Variants in CCNQ observed in about 807,000 individuals in gnomAD.
CCNQ encodes cyclin Q, also known as cyclin-Q.
A neutral mutation model predicts 17.7 loss-of-function variants in CCNQ; 3 were observed. The ratio of observed to expected loss-of-function variants is 0.17; its 90% CI spans 0.08 to 0.44. CCNQ has a LOEUF of 0.44. CCNQ is among the 20% of genes least tolerant of loss of function. The probability of loss-of-function intolerance (pLI) is 0.99; values close to 1 mark genes in which losing one functional copy is unlikely to be tolerated. For synonymous variants in CCNQ, 73 were observed against 96.0 expected (o/e 0.76, Z 1.40); for missense variants, 146 against 222.6 (o/e 0.66, Z 2.19).
At chrX:153,588,550 G>A (rs1557025103) in intron 4 of CCNQ, 96 bp from the exon 5 acceptor site, 1 of 655,790 alleles carries the variant, frequency 1.5e-6, no homozygotes, top group Non-Finnish European at 2.5e-6. Context: ...ATGGGCAGGG[G>A]AGGGGCACAG....
intron 1 of CCNQ, 59 bp downstream of exon 1, chrX:153,598,903 C>A: frequency 2.2e-6 from 2 of 908,907 alleles, no homozygotes; most frequent in Non-Finnish European, 2.9e-6. Flanking sequence ...GCCAGCCGGG[C>A]CCGCTCCGCG....
At chrX:153,597,198 ACAAT>A (rs2091034187) in intron 1 of CCNQ, among the ~76,000 whole-genome samples, 1 of 112,073 alleles carries the variant, frequency 8.9e-6, no homozygotes, top group Non-Finnish European at 1.9e-5. Flanking sequence ...AGAACAACCG[ACAAT>A]CAACCATGAA....
At chrX:153,592,191 T>C (rs1405143710) in intron 4 of CCNQ, among the ~76,000 whole-genome samples, 2 of 112,479 alleles carry the variant, frequency 1.8e-5, no homozygotes, top group African/African-American at 6.5e-5. Context: ...CCAGGTTTAG[T>C]AACCTGTGAT....
intron 4 of CCNQ, among the ~76,000 whole-genome samples, chrX:153,589,899 C>T (rs951311405): frequency 2.7e-5 from 3 of 111,348 alleles, no homozygotes; most frequent in African/African-American, 6.5e-5. Flanking sequence ...GACCTGTGTG[C>T]TCCTGGAGAC....
chrX:153,592,457 C>G (rs781955750), intron 4 of CCNQ, 49 bp downstream of exon 4: 12 of 1,139,560 alleles, frequency 1.1e-5, no homozygotes, highest in Non-Finnish European at 1.4e-5. Context: ...AATACAGAGA[C>G]TTCCAGAGGG....
chrX:153,597,013 A>G (rs1286918009), intron 1 of CCNQ, among the ~76,000 whole-genome samples: 1 of 112,071 alleles, frequency 8.9e-6, no homozygotes, highest in Non-Finnish European at 1.9e-5. Context: ...AACTCAAAAC[A>G]CCAGAGCAGG....
chrX:153,592,777 T>C (rs2091001449), intron 3 of CCNQ, 44 bp from the exon 4 acceptor site: 1 of 1,096,788 alleles, frequency 9.1e-7, no homozygotes, highest in African/African-American at 1.8e-5. Flanking sequence ...CCAGCTGCTC[T>C]CCTCATGCTG....
chrX:153,598,884 G>T, intron 1 of CCNQ, 78 bp downstream of exon 1: 1 of 759,366 alleles, frequency 1.3e-6, no homozygotes, highest in Non-Finnish European at 1.7e-6. Context: ...ACTCCAGAAG[G>T]CCGGCCTGGC....
Position 153,595,997 on chromosome X carries a change from C to T in CCNQ, c.296+7G>A, listed in dbSNP as rs1179666189. On this transcript the variant is annotated splice_region_variant and intron_variant, in intron 2 of 4. Coordinates refer to ENST00000576892, the MANE Select transcript of CCNQ (RefSeq NM_152274.5). ...TGGAGATCAGGAGCCCAGCCAAATG[C>T]CATTACCTGTTGGACACATTGATGA... The T allele has an allele frequency of 8.3e-7, 1 of 1,212,027 alleles. No homozygotes were observed. The highest frequency in any genetic ancestry group is 1.1e-6 in the Non-Finnish European group (1 of 895,436).
intron 4 of CCNQ, among the ~76,000 whole-genome samples, chrX:153,589,683 C>T (rs1204355979): frequency 1.8e-5 from 2 of 112,612 alleles, no homozygotes; most frequent in Admixed American, 9.3e-5. Context: ...GGCCTTGGGC[C>T]AAGTCAAGGC....
At chrX:153,596,465 C>T (rs2091029196) in intron 1 of CCNQ, among the ~76,000 whole-genome samples, 1 of 112,397 alleles carries the variant, frequency 8.9e-6, no homozygotes, top group Admixed American at 9.4e-5. Context: ...AGGTCATGCC[C>T]ATGTCAGGGG....
intron 1 of CCNQ, among the ~76,000 whole-genome samples, chrX:153,598,146 T>C (rs2091040674): frequency 9.0e-6 from 1 of 110,842 alleles, no homozygotes; most frequent in Non-Finnish European, 1.9e-5. Flanking sequence ...CCGGACGAGG[T>C]AGCTCACGCC....
At chrX:153,592,270 C>T (rs2090996442) in intron 4 of CCNQ, among the ~76,000 whole-genome samples, 2 of 113,013 alleles carry the variant, frequency 1.8e-5, no homozygotes, top group African/African-American at 3.2e-5. Flanking sequence ...CCCGGGACAC[C>T]GGCGACGTCG....
At chrX:153,591,112 A>G (rs2090988309) in intron 4 of CCNQ, among the ~76,000 whole-genome samples, 1 of 111,593 alleles carries the variant, frequency 9.0e-6, no homozygotes, top group African/African-American at 3.3e-5. Flanking sequence ...AAAGGGTTTC[A>G]AAAGCCAGGC....
chrX:153,592,479 G>A (rs1271698541), intron 4 of CCNQ, 27 bp downstream of exon 4: 3 of 1,185,843 alleles, frequency 2.5e-6, no homozygotes, highest in African/African-American at 3.5e-5. Flanking sequence ...AAGGGGGCAC[G>A]TCCAGTGTGC....
In CCNQ at chrX:153,588,192, C is replaced by T. The variant is rs1557024937; in HGVS notation, c.*173G>A. 1 of 551,079 alleles carries T rather than the reference C, an allele frequency of 1.8e-6. No individual in the cohort carries two copies. The highest frequency in any genetic ancestry group is 2.5e-5 in the Admixed American group (1 of 40,517). 45.4% of individuals were successfully genotyped at this position (551,079 alleles called of 1,213,427 possible). ...CCCACCATCACCTGCACCGCGACTT[C>T]TAGGGACTGGCAAAGCGGCAGCATG... On this transcript the variant is annotated 3_prime_UTR_variant, in exon 5 of 5. Coordinates refer to ENST00000576892, the MANE Select transcript of CCNQ (RefSeq NM_152274.5).
rs782611529 is a variant in CCNQ, at chrX:153,588,132, A to C, written c.*233T>G. On this transcript the variant is annotated 3_prime_UTR_variant, in exon 5 of 5. Coordinates refer to ENST00000576892, the MANE Select transcript of CCNQ (RefSeq NM_152274.5). ...TGGCTGCCTTGGGTCAGCTGCACAC[A>C]GTACACTCCCGGCCTGCCCGCTGGA... 3.9e-6 allele frequency: 2 copies of C among 510,964 alleles called. No homozygotes were observed. Among genetic ancestry groups the C allele is most frequent in the Non-Finnish European group, 7.2e-6 (2 of 278,115 alleles). The allele number at this position is 510,964 out of a possible 1,213,427, so 42.1% of individuals were successfully genotyped here.
At position 153,588,074 on chromosome X, in the gene CCNQ, A is replaced by T; in HGVS notation, c.*291T>A. ...TTCATTGATGTCATGCCTGTATTGT[A>T]GTCAAAGTCCTCTCAAAGGACAAAC... is the stretch of plus-strand genomic sequence containing the variant. On this transcript the variant is annotated 3_prime_UTR_variant, in exon 5 of 5. Transcript: ENST00000576892. The T allele has an allele frequency of 8.9e-6, 4 of 450,014 alleles. No individual in the cohort carries two copies. In the South Asian group the frequency reaches 1.3e-4, roughly 14 times the overall value. 37.1% of individuals were successfully genotyped at this position (450,014 alleles called of 1,213,427 possible). A position where few individuals can be genotyped will look rare whatever the true frequency, so the allele number is the denominator to read the frequency against.
intron 1 of CCNQ, among the ~76,000 whole-genome samples, chrX:153,598,315 G>A (rs782718477): frequency 9.0e-6 from 1 of 111,337 alleles, no homozygotes; most frequent in African/African-American, 3.3e-5. Context: ...ACTCGGAAGC[G>A]TGAGGAAGGA....
Sources: allele counts gnomAD v4.1 joint callset (sites outside exome capture counted in the v4.1 genomes callset), GRCh38; gene constraint gnomAD v4.1.1; transcripts MANE v1.5; gene names NCBI Gene and HGNC (gene_info 2026-07-23, HGNC 2026-07-21).